The following HSDL1 variants were observed in gnomAD, a reference collection of about 807,000 sequenced individuals.
HSDL1 encodes hydroxysteroid dehydrogenase like 1, also known as inactive hydroxysteroid dehydrogenase-like protein 1.
Under a neutral mutation model 31.5 loss-of-function variants are expected in HSDL1, and 29 were observed. The ratio of observed to expected loss-of-function variants is 0.92; its 90% CI spans 0.69 to 1.26. The LOEUF is 1.26. Ranked by LOEUF, HSDL1 falls within the 50% of genes most tolerant of loss-of-function variation. HSDL1 has a pLI of 0.00. For missense variants in HSDL1, 503 were observed against 416.6 expected, an observed-to-expected ratio of 1.21 and a Z score of -1.81; for synonymous variants, 222 against 155.2, an observed-to-expected ratio of 1.43 and a Z score of -3.20.
chr16:84,125,881 A>G (rs2086601466), intron 5 of HSDL1, among the ~76,000 whole-genome samples: 2 of 152,196 alleles, frequency 1.3e-5, no homozygotes. Context: ...AGGCGGGTGG[A>G]TCATGAGGTC....
chr16:84,136,597 C>T (rs1429736788), intron 1 of HSDL1, among the ~76,000 whole-genome samples: 1 of 152,350 alleles, frequency 6.6e-6, no homozygotes, highest in Non-Finnish European at 1.5e-5. Context: ...CCAGGGACCT[C>T]CCACTCAGGC....
rs1459047845 is a variant in HSDL1 at position 84,129,707 on chromosome 16, A to T, written c.735T>A (p.Ser245Arg). 3 of 1,614,068 alleles carry T rather than the reference A, an allele frequency of 1.9e-6. No individual in the cohort carries two copies. In the Admixed American group the frequency reaches 5.0e-5, roughly 27 times the overall value. The change falls in exon 5 of 6, where the codon AGT (serine) becomes AGA (arginine). Residue 245 changes from serine to arginine, a missense_variant. Ser to Arg is a moderately radical substitution (Grantham distance 110, BLOSUM62 -1). Transcript: ENST00000219439. ...TGGTGGCTACATAGAAAGGGATTAG[A>T]CTCTGTACAAAGATTCCTTTAGAGG... ...EYASKGIFVQ[S>R]LIPFYVATSM...
At chr16:84,143,464 C>G (rs1358122762) in intron 1 of HSDL1, among the ~76,000 whole-genome samples, 1 of 152,068 alleles carries the variant, frequency 6.6e-6, no homozygotes, top group Admixed American at 6.6e-5. Flanking sequence ...AGAGGTATGA[C>G]TGTTAATGGG....
chr16:84,129,676 T>C lies in HSDL1; in HGVS notation c.766A>G (p.Thr256Ala). 6.2e-7 allele frequency: 1 copy of C among 1,614,204 alleles called. No homozygotes were observed. Among genetic ancestry groups the C allele is most frequent in the Non-Finnish European group, 8.5e-7 (1 of 1,180,020 alleles). Residue 256 changes from threonine (T) to alanine (A), a missense_variant, in exon 5 of 6, where the codon ACA (threonine) becomes GCA (alanine). Physicochemically the swap from Thr to Ala is moderately conservative, Grantham distance 58. Transcript: ENST00000219439. ...CTGTGCAGAAAGTTGCTGGGTGCTG[T>C]CATGCTGGTGGCTACATAGAAAGGG... Reference protein sequence around the residue: ...LIPFYVATSMTAPSNFLHRCS... With the variant: ...LIPFYVATSMAAPSNFLHRCS...
chr16:84,139,886 A>C (rs888204504), intron 1 of HSDL1, among the ~76,000 whole-genome samples: 3 of 136,086 alleles, frequency 2.2e-5, no homozygotes, highest in African/African-American at 1.1e-4. Flanking sequence ...GTTTTCATTG[A>C]TGAAAACATT....
chr16:84,144,375 C>T (rs1476337569), intron 1 of HSDL1: 2 of 152,240 alleles, frequency 1.3e-5, no homozygotes, highest in East Asian at 3.9e-4. Context: ...TCGCAGTCAC[C>T]TGTACACATC....
At chr16:84,136,177 C>T (rs1416343401) in intron 1 of HSDL1, among the ~76,000 whole-genome samples, 2 of 152,332 alleles carry the variant, frequency 1.3e-5, no homozygotes, top group South Asian at 2.1e-4. Flanking sequence ...AGTTCAGGTG[C>T]CCACCACCTG....
rs191876639 is a variant in HSDL1 at position 84,143,904 on chromosome 16, G to A, written c.-69+1176C>T. Among the ~76,000 whole-genome samples the A allele has an allele frequency of 2.9e-3, 444 of 152,150 alleles. 1 individual carries two copies. The highest frequency in any genetic ancestry group is 0.01 in the African/African-American group (423 of 41,510). On this transcript the variant is annotated intron_variant, in intron 1 of 5. Coordinates refer to ENST00000219439, the MANE Select transcript of HSDL1 (RefSeq NM_031463.5). ...TGTAATCCCAGCTACTCGGAAGGCT[G>A]AGGCAGGAGAATCACTTGGGCCCGG... is the stretch of plus-strand genomic sequence containing the variant.
rs772444518 is a variant in HSDL1 at position 84,131,165 on chromosome 16, T to C, written c.157A>G (p.Ile53Val). The C allele has an allele frequency of 2.4e-5, 38 of 1,614,038 alleles. 1 individual carries two copies. Among genetic ancestry groups the C allele is most frequent in the Non-Finnish European group, 3.4e-6 (4 of 1,180,036 alleles). The change falls in exon 3 of 6, where the codon ATC becomes GTC. Residue 53 changes from isoleucine to valine, a missense_variant. Coordinates refer to ENST00000219439, the MANE Select transcript of HSDL1 (RefSeq NM_031463.5). ...TCTGCTCTGCTCCCCAGGCGGGGGA[T>C]AAAATGCAGCCTGATCAGGCTGTAA... Reference protein sequence around the residue: ...DFYSLIRLHFIPRLGSRADLI... With the variant: ...DFYSLIRLHFVPRLGSRADLI...
intron 1 of HSDL1, among the ~76,000 whole-genome samples, chr16:84,142,511 C>T (rs934673571): frequency 5.0e-5 from 7 of 140,800 alleles, no homozygotes; most frequent in African/African-American, 1.8e-4. Context: ...TCTTAGCTCA[C>T]TGCAACCTCC....
intron 4 of HSDL1, 60 bp downstream of exon 4, chr16:84,129,926 C>CT: frequency 3.9e-6 from 6 of 1,539,762 alleles, no homozygotes; most frequent in Non-Finnish European, 5.3e-6. Context: ...TCAGACCAAA[C>CT]AACTGTTAAT....
Position 84,124,410 on chromosome 16 carries a change from G to A in HSDL1, c.*220C>T, listed in dbSNP as rs79932087. The A allele has an allele frequency of 9.6e-3, 3,972 of 413,394 alleles. 128 individuals carry two copies. Among genetic ancestry groups the A allele is most frequent in the African/African-American group, 0.071 (3,556 of 49,868 alleles). The allele number at this position is 413,394 out of a possible 1,614,324, so 25.6% of individuals were successfully genotyped here. A position where few individuals can be genotyped will look rare whatever the true frequency, so the allele number is the denominator to read the frequency against. On this transcript the variant is annotated 3_prime_UTR_variant, in exon 6 of 6. Coordinates refer to ENST00000219439, the MANE Select transcript of HSDL1 (RefSeq NM_031463.5). ...GAAAAAGCACTGAAATGTAGATGTCGTCAATCAGCCTCAGGCATTATTGAT... is the reference window on the plus strand; with the variant it reads ...GAAAAAGCACTGAAATGTAGATGTCATCAATCAGCCTCAGGCATTATTGAT...
chr16:84,141,534 G>C (rs1404491065), intron 1 of HSDL1, among the ~76,000 whole-genome samples: 4 of 152,232 alleles, frequency 2.6e-5, no homozygotes, highest in Non-Finnish European at 4.4e-5. Context: ...TTCGCAAAGG[G>C]ATTTGCCCAT....
intron 1 of HSDL1, among the ~76,000 whole-genome samples, chr16:84,136,089 C>G (rs902097439): frequency 1.3e-5 from 2 of 152,238 alleles, no homozygotes; most frequent in African/African-American, 4.8e-5. Context: ...GCAGCGTTCC[C>G]TGGAACATCC....
intron 5 of HSDL1, among the ~76,000 whole-genome samples, chr16:84,127,652 T>G (rs1021549131): frequency 1.3e-5 from 2 of 150,330 alleles, no homozygotes; most frequent in African/African-American, 4.9e-5. Flanking sequence ...GTTTGATAAT[T>G]AAGAAAACTC....
rs1265983156 is a variant in HSDL1, at chr16:84,123,998, A to T, written c.*632T>A. The T allele has an allele frequency of 6.6e-6, 1 of 152,538 alleles. No individual in the cohort carries two copies. The highest frequency in any genetic ancestry group is 1.5e-5 in the Non-Finnish European group (1 of 68,278). 9.4% of individuals were successfully genotyped at this position (152,538 alleles called of 1,614,324 possible). A position where few individuals can be genotyped will look rare whatever the true frequency, so the allele number is the denominator to read the frequency against. On this transcript the variant is annotated 3_prime_UTR_variant, in exon 6 of 6. Coordinates refer to ENST00000219439, the MANE Select transcript of HSDL1 (RefSeq NM_031463.5). ...TAATACCCTATAAGAGTCCATGTTA[A>T]GTCACCCTGACAAAAAATCTTTTTA...
chr16:84,134,000 G>C (rs1054584079), intron 2 of HSDL1, among the ~76,000 whole-genome samples: 5 of 152,154 alleles, frequency 3.3e-5, no homozygotes, highest in African/African-American at 7.2e-5. Flanking sequence ...GAGCTGTCTA[G>C]TTCAACAAAG....
rs2086572302 is a variant in HSDL1 at position 84,123,252 on chromosome 16, T to G, written c.*1378A>C. On this transcript the variant is annotated 3_prime_UTR_variant, in exon 6 of 6. Transcript: ENST00000219439. ...GTGTTCATAAAACTGTGCTTAGGTC[T>G]GCTTATGATAGATTATCACGTCACG... 6.6e-6 allele frequency: 1 copy of G among 152,256 alleles called. No homozygotes were observed. The highest frequency in any genetic ancestry group is 1.5e-5 in the Non-Finnish European group (1 of 68,050). The allele number at this position is 152,256 out of a possible 1,614,324, so 9.4% of individuals were successfully genotyped here.
intron 1 of HSDL1, among the ~76,000 whole-genome samples, chr16:84,141,850 G>T (rs1034298054): frequency 1.3e-5 from 2 of 151,832 alleles, no homozygotes; most frequent in African/African-American, 4.8e-5. Flanking sequence ...TCTCAGAATT[G>T]TAAGAATTCT....
Sources: allele counts gnomAD v4.1 joint callset (sites outside exome capture counted in the v4.1 genomes callset), GRCh38; gene constraint gnomAD v4.1.1; transcripts MANE v1.5; gene names NCBI Gene and HGNC (gene_info 2026-07-23, HGNC 2026-07-21).